Variants in OR9Q1 observed in about 807,000 individuals in gnomAD.
The protein encoded by OR9Q1 is olfactory receptor family 9 subfamily Q member 1, also known as olfactory receptor 9Q1.
For missense variants in OR9Q1, 374 were observed against 378.8 expected, an observed-to-expected ratio of 0.99 and a Z score of 0.11; for synonymous variants, 153 against 148.6, an observed-to-expected ratio of 1.03 and a Z score of -0.22.
intron 1 of OR9Q1, among the ~76,000 whole-genome samples, chr11:58,030,726 A>G (rs2119909990): frequency 6.6e-6 from 1 of 152,298 alleles, no homozygotes; most frequent in African/African-American, 2.4e-5. Context: ...TGCTCATAGT[A>G]TCCTGCCTTA....
intron 2 of OR9Q1, among the ~76,000 whole-genome samples, chr11:58,086,420 A>T (rs1344136267): frequency 9.2e-5 from 14 of 151,932 alleles, no homozygotes; most frequent in African/African-American, 2.9e-4. Flanking sequence ...ACGTAAATGA[A>T]TACAGCCATT....
intron 2 of OR9Q1, among the ~76,000 whole-genome samples, chr11:58,161,734 G>T (rs1276675932): frequency 6.6e-6 from 1 of 152,092 alleles, no homozygotes; most frequent in African/African-American, 2.4e-5. Flanking sequence ...GTTTCGCTCT[G>T]TTAGCCAGGC....
At chr11:58,037,700 T>TATATAG (rs1565056546) in intron 1 of OR9Q1, among the ~76,000 whole-genome samples, 1 of 7,458 alleles carries the variant, frequency 1.3e-4, no homozygotes, top group Admixed American at 1.8e-3. Context: ...TTTTTTTTTT[T>TATATAG]TTTTTTTTTT....
At chr11:58,130,121 A>T (rs936906478) in intron 2 of OR9Q1, among the ~76,000 whole-genome samples, 2 of 152,156 alleles carry the variant, frequency 1.3e-5, no homozygotes, top group Non-Finnish European at 1.5e-5. Context: ...GGCCTAGAAC[A>T]GCTCTTGGTT....
intron 1 of OR9Q1, among the ~76,000 whole-genome samples, chr11:58,043,517 A>G (rs1853186895): frequency 6.6e-6 from 1 of 152,200 alleles, no homozygotes; most frequent in Non-Finnish European, 1.5e-5. Context: ...TCCAGCAGGT[A>G]AAGTCCTCTA....
intron 2 of OR9Q1, among the ~76,000 whole-genome samples, chr11:58,085,391 G>GT (rs1296932657): frequency 6.6e-6 from 1 of 151,544 alleles, no homozygotes; most frequent in Non-Finnish European, 1.5e-5. Context: ...AGAGTTTTTT[G>GT]TTTTTTGATG....
intron 2 of OR9Q1, among the ~76,000 whole-genome samples, chr11:58,122,362 G>A (rs1854042188): frequency 6.6e-6 from 1 of 152,204 alleles, no homozygotes; most frequent in Non-Finnish European, 1.5e-5. Flanking sequence ...TTCAAGCTCT[G>A]TGGTTGTCAC....
intron 2 of OR9Q1, among the ~76,000 whole-genome samples, chr11:58,064,065 C>A (rs531759000): frequency 2.6e-5 from 4 of 152,180 alleles, no homozygotes; most frequent in Admixed American, 1.3e-4. Context: ...GGGATTCCAG[C>A]CTGTTTAAGA....
Position 58,061,869 on chromosome 11 carries a change from G to C in OR9Q1, c.-15+5922G>C, listed in dbSNP as rs533486429. On this transcript the variant is annotated intron_variant, in intron 2 of 2. Transcript: ENST00000335397. ...TGCTCTGTAGCTTCAGAAATGTCTC[G>C]GTTCACACCCATTCAACAGATGCGA... 2.0e-5 allele frequency among the ~76,000 whole-genome samples: 3 copies of C among 152,250 alleles called. No homozygotes were observed. The South Asian group carries it at 6.2e-4, about 32-fold the overall frequency.
At chr11:58,099,493 C>T (rs1853763230) in intron 2 of OR9Q1, among the ~76,000 whole-genome samples, 1 of 151,654 alleles carries the variant, frequency 6.6e-6, no homozygotes, top group South Asian at 2.1e-4. Flanking sequence ...TTATTTGTTC[C>T]AAAGTCTCTT....
At chr11:58,045,676 G>A (rs1853209543) in intron 1 of OR9Q1, among the ~76,000 whole-genome samples, 1 of 152,194 alleles carries the variant, frequency 6.6e-6, no homozygotes. Flanking sequence ...TGAAGAGTCT[G>A]TCTTTCACTC....
chr11:58,090,080 T>C (rs1246813505), intron 2 of OR9Q1, among the ~76,000 whole-genome samples: 2 of 152,222 alleles, frequency 1.3e-5, no homozygotes, highest in African/African-American at 4.8e-5. Context: ...TATACAATCA[T>C]GTCATCTGCA....
chr11:58,135,714 C>A (rs1368141181), intron 2 of OR9Q1, among the ~76,000 whole-genome samples: 1 of 152,206 alleles, frequency 6.6e-6, no homozygotes, highest in African/African-American at 2.4e-5. Flanking sequence ...TTTGGGTGCA[C>A]TGCACAACCT....
At chr11:58,151,040 A>G (rs1349294034) in intron 2 of OR9Q1, among the ~76,000 whole-genome samples, 1 of 152,178 alleles carries the variant, frequency 6.6e-6, no homozygotes, top group Non-Finnish European at 1.5e-5. Flanking sequence ...TTGTCATTTT[A>G]GCCTTTATGT....
At chr11:58,142,189 C>T (rs1253518399) in intron 2 of OR9Q1, among the ~76,000 whole-genome samples, 6 of 152,134 alleles carry the variant, frequency 3.9e-5, no homozygotes, top group Non-Finnish European at 5.9e-5. Context: ...TTTCACAGCA[C>T]TTACCAACTT....
chr11:58,158,228 A>G (rs1411445321), intron 2 of OR9Q1, among the ~76,000 whole-genome samples: 1 of 152,194 alleles, frequency 6.6e-6, no homozygotes, highest in Non-Finnish European at 1.5e-5. Context: ...CATGGCCACT[A>G]GCCCACAAAC....
At chr11:58,071,978 G>T (rs936915479) in intron 2 of OR9Q1, among the ~76,000 whole-genome samples, 3 of 152,148 alleles carry the variant, frequency 2.0e-5, no homozygotes, top group African/African-American at 7.2e-5. Flanking sequence ...TAATTCCTGG[G>T]TGATGAAATA....
intron 2 of OR9Q1, among the ~76,000 whole-genome samples, chr11:58,152,296 T>C (rs890579517): frequency 3.9e-5 from 6 of 152,146 alleles, no homozygotes; most frequent in Admixed American, 2.6e-4. Flanking sequence ...TCACAGATAA[T>C]ATTAGTATAT....
chr11:58,169,508 G>C (rs529230481), intron 2 of OR9Q1, among the ~76,000 whole-genome samples: 38 of 152,142 alleles, frequency 2.5e-4, no homozygotes, highest in African/African-American at 8.9e-4. Context: ...AGCGTAGCAG[G>C]TTTATAATTT....
Sources: allele counts gnomAD v4.1 joint callset (sites outside exome capture counted in the v4.1 genomes callset), GRCh38; gene constraint gnomAD v4.1.1; transcripts MANE v1.5; gene names NCBI Gene and HGNC (gene_info 2026-07-23, HGNC 2026-07-21).